The following NTM variants were observed in gnomAD, a reference collection of about 807,000 sequenced individuals.
The protein encoded by NTM is IgLON family member 2.
NTM carries 13 observed loss-of-function variants against 42.1 expected under a neutral mutation model. The ratio of observed to expected loss-of-function variants is 0.31; its 90% CI spans 0.20 to 0.49. NTM has a LOEUF of 0.49. NTM is among the 20% of genes least tolerant of loss of function. NTM has a pLI of 0.99. For synonymous variants in NTM, 187 were observed against 179.2 expected (o/e 1.04, Z -0.35); for missense variants, 373 against 452.8 (o/e 0.82, Z 1.60).
intron 1 of NTM, among the ~76,000 whole-genome samples, chr11:131,393,438 G>A (rs1944242645): frequency 6.6e-6 from 1 of 152,182 alleles, no homozygotes; most frequent in Non-Finnish European, 1.5e-5. Context: ...GGTCCCACCA[G>A]GATTGCCACC....
intron 1 of NTM, among the ~76,000 whole-genome samples, chr11:131,432,307 T>C (rs950745342): frequency 6.6e-6 from 1 of 152,178 alleles, no homozygotes; most frequent in Non-Finnish European, 1.5e-5. Context: ...ATGGACTCCA[T>C]AGTTTAGTGA....
At chr11:132,016,615 T>A (rs906272075) in intron 2 of NTM, among the ~76,000 whole-genome samples, 1 of 151,994 alleles carries the variant, frequency 6.6e-6, no homozygotes, top group African/African-American at 2.4e-5. Context: ...TTCACCTACA[T>A]GTCTTTATGT....
At chr11:131,467,549 A>G (rs777696033) in intron 1 of NTM, among the ~76,000 whole-genome samples, 22 of 152,242 alleles carry the variant, frequency 1.4e-4, no homozygotes, top group Non-Finnish European at 2.5e-4. Flanking sequence ...TCTTCAAGGT[A>G]GAAACCTGCT....
intron 1 of NTM, among the ~76,000 whole-genome samples, chr11:131,727,272 T>G (rs539356275): frequency 6.6e-6 from 1 of 152,312 alleles, no homozygotes; most frequent in South Asian, 2.1e-4. Flanking sequence ...ATCCTTCTAA[T>G]TACACATATG....
chr11:132,325,108 G>A (rs941402135), intron 7 of NTM, among the ~76,000 whole-genome samples: 20 of 152,178 alleles, frequency 1.3e-4, no homozygotes, highest in Admixed American at 1.2e-3. Context: ...ACATAGGCGT[G>A]GGCAAGGACT....
At chr11:132,107,015 T>C (rs949865076) in intron 2 of NTM, among the ~76,000 whole-genome samples, 2 of 151,750 alleles carry the variant, frequency 1.3e-5, no homozygotes, top group Non-Finnish European at 2.9e-5. Context: ...TCTTTTTGTT[T>C]AAAAAAAAAT....
At chr11:132,304,583 C>T (rs1270504075) in intron 4 of NTM, among the ~76,000 whole-genome samples, 1 of 152,098 alleles carries the variant, frequency 6.6e-6, no homozygotes, top group Non-Finnish European at 1.5e-5. Flanking sequence ...TGAGGCATCT[C>T]CTTTAGGAAC....
At chr11:132,111,627 G>A (rs2063214886) in intron 2 of NTM, among the ~76,000 whole-genome samples, 1 of 152,190 alleles carries the variant, frequency 6.6e-6, no homozygotes, top group South Asian at 2.1e-4. Flanking sequence ...GATAGGGATT[G>A]TTTTAGGAAG....
At chr11:131,503,496 G>C (rs12418991) in intron 1 of NTM, among the ~76,000 whole-genome samples, 1 of 151,732 alleles carries the variant, frequency 6.6e-6, no homozygotes, top group African/African-American at 2.4e-5. Flanking sequence ...TCATTGGGTC[G>C]TGTCAAGTCC....
chr11:131,703,910 C>A (rs1036529050), intron 1 of NTM, among the ~76,000 whole-genome samples: 2 of 152,116 alleles, frequency 1.3e-5, no homozygotes, highest in African/African-American at 2.4e-5. Context: ...TGGCCCCGGG[C>A]CCCAGACCCA....
At chr11:132,066,400 T>G (rs1486011641) in intron 2 of NTM, among the ~76,000 whole-genome samples, 1 of 152,238 alleles carries the variant, frequency 6.6e-6, no homozygotes, top group Non-Finnish European at 1.5e-5. Context: ...GATTCATAAA[T>G]TTTTATGATG....
chr11:131,487,259 G>A (rs974662789), intron 1 of NTM, among the ~76,000 whole-genome samples: 9 of 152,112 alleles, frequency 5.9e-5, no homozygotes, highest in African/African-American at 2.2e-4. Context: ...GCTGAACTCT[G>A]GAGAATATAA....
intron 1 of NTM, among the ~76,000 whole-genome samples, chr11:131,521,383 C>CTTGTTTTT (rs2049668655): frequency 2.2e-5 from 1 of 45,720 alleles, no homozygotes; most frequent in Admixed American, 3.8e-4. Context: ...AGGTGCCAGT[C>CTTGTTTTT]TTTTTTTTTT....
intron 4 of NTM, among the ~76,000 whole-genome samples, chr11:132,248,691 C>T (rs144906011): frequency 2.8e-4 from 42 of 152,316 alleles, no homozygotes; most frequent in African/African-American, 9.4e-4. Flanking sequence ...TGGTCCACCA[C>T]GCATCAGGTC....
intron 4 of NTM, among the ~76,000 whole-genome samples, chr11:132,290,379 T>C (rs1426181234): frequency 6.6e-6 from 1 of 151,986 alleles, no homozygotes; most frequent in Non-Finnish European, 1.5e-5. Context: ...CCGGGAGTAA[T>C]AGGAAATAGG....
intron 1 of NTM, among the ~76,000 whole-genome samples, chr11:131,796,811 A>G (rs1393389953): frequency 6.6e-6 from 1 of 152,200 alleles, no homozygotes; most frequent in African/African-American, 2.4e-5. Flanking sequence ...CAATGACGGC[A>G]ATGCCTGATC....
chr11:132,218,904 A>G (rs1165210136), intron 4 of NTM, among the ~76,000 whole-genome samples: 1 of 152,164 alleles, frequency 6.6e-6, no homozygotes, highest in Non-Finnish European at 1.5e-5. Context: ...GGCAGGTCCA[A>G]GGGGATTTGT....
At chr11:131,371,841 G>A (rs1399665390) in intron 1 of NTM, among the ~76,000 whole-genome samples, 1 of 152,174 alleles carries the variant, frequency 6.6e-6, no homozygotes, top group East Asian at 1.9e-4. Flanking sequence ...GCTAAAACTC[G>A]TAAGGATCGA....
chr11:132,017,128 C>T (rs973871908), intron 2 of NTM, among the ~76,000 whole-genome samples: 1 of 151,698 alleles, frequency 6.6e-6, no homozygotes, highest in Non-Finnish European at 1.5e-5. Context: ...TTTTTTGAAT[C>T]ACAAAATTTT....
Sources: allele counts gnomAD v4.1 joint callset (sites outside exome capture counted in the v4.1 genomes callset), GRCh38; gene constraint gnomAD v4.1.1; transcripts MANE v1.5; gene names NCBI Gene and HGNC (gene_info 2026-07-23, HGNC 2026-07-21).